Variants in TMEFF2 observed in about 807,000 individuals in gnomAD.
The protein encoded by TMEFF2 is tomoregulin-2.
TMEFF2 carries 28 observed loss-of-function variants against 53.8 expected under a neutral mutation model. The observed-to-expected ratio is 0.52, with a 90% CI of 0.39 to 0.71. TMEFF2 has a LOEUF of 0.71. Among genes scored for constraint, TMEFF2 ranks in the 30% least tolerant of loss-of-function variants. The pLI is 0.00. For synonymous variants in TMEFF2, 162 were observed against 166.3 expected (o/e 0.97, Z 0.20); for missense variants, 353 against 455.2 (o/e 0.78, Z 2.04).
intron 7 of TMEFF2, among the ~76,000 whole-genome samples, chr2:191,997,055 A>G (rs1358367130): frequency 6.6e-6 from 1 of 152,006 alleles, no homozygotes; most frequent in Admixed American, 6.6e-5. Context: ...TTCTGGGTAG[A>G]AGACCCATTT....
At chr2:191,978,249 A>G (rs1156340298) in intron 7 of TMEFF2, among the ~76,000 whole-genome samples, 1 of 152,162 alleles carries the variant, frequency 6.6e-6, no homozygotes, top group Non-Finnish European at 1.5e-5. Context: ...GCAGGCCGGT[A>G]TAATGGAAAG....
intron 2 of TMEFF2, among the ~76,000 whole-genome samples, chr2:192,188,837 A>G (rs199508195): frequency 2.3e-3 from 107 of 46,734 alleles, no homozygotes; most frequent in Non-Finnish European, 3.6e-3. Context: ...CTATCTATCT[A>G]TCTATCTATC....
At chr2:192,177,994 G>A (rs943561376) in intron 4 of TMEFF2, 8 of 150,796 alleles carry the variant, frequency 5.3e-5, no homozygotes, top group Non-Finnish European at 1.0e-4. Context: ...TGGTAGGATA[G>A]TCAAGCAGAA....
At chr2:192,003,948 A>C (rs1285719133) in intron 5 of TMEFF2, among the ~76,000 whole-genome samples, 27 of 147,410 alleles carry the variant, frequency 1.8e-4, no homozygotes, top group Non-Finnish European at 2.2e-4. Context: ...GCTCACACTC[A>C]CCTCCATGGT....
intron 2 of TMEFF2, among the ~76,000 whole-genome samples, chr2:192,185,392 A>G (rs576574861): frequency 6.6e-6 from 1 of 152,182 alleles, no homozygotes; most frequent in Admixed American, 6.6e-5. Flanking sequence ...GTTTAATTAT[A>G]AAAAATATAA....
At chr2:192,022,741 G>T (rs1686885544) in intron 5 of TMEFF2, among the ~76,000 whole-genome samples, 1 of 151,744 alleles carries the variant, frequency 6.6e-6, no homozygotes, top group Admixed American at 6.6e-5. Context: ...TTTGTTTTTT[G>T]GATTTACTTG....
chr2:192,128,363 A>G (rs1003682189), intron 4 of TMEFF2, among the ~76,000 whole-genome samples: 10 of 152,230 alleles, frequency 6.6e-5, no homozygotes, highest in African/African-American at 2.2e-4. Context: ...CAAACAAAAT[A>G]TTGCAATAAG....
chr2:192,189,102 C>T (rs1691395664), intron 2 of TMEFF2, among the ~76,000 whole-genome samples: 1 of 152,076 alleles, frequency 6.6e-6, no homozygotes, highest in Admixed American at 6.5e-5. Context: ...GTTTGAAGGA[C>T]AGAAATCAGT....
At chr2:192,140,664 T>C (rs941880625) in intron 4 of TMEFF2, among the ~76,000 whole-genome samples, 3 of 152,134 alleles carry the variant, frequency 2.0e-5, no homozygotes, top group Admixed American at 2.0e-4. Context: ...CGTATCAACA[T>C]TTCAAGGATT....
At chr2:191,993,208 C>G (rs992771745) in intron 7 of TMEFF2, among the ~76,000 whole-genome samples, 2 of 151,988 alleles carry the variant, frequency 1.3e-5, no homozygotes, top group Non-Finnish European at 2.9e-5. Flanking sequence ...GATACCCTTT[C>G]CAGATGTCAG....
Position 192,135,315 on chromosome 2 carries a change from C to A in TMEFF2, c.439+44353G>T, listed in dbSNP as rs150033293. On this transcript the variant is annotated intron_variant, in intron 4 of 9. Transcript: ENST00000272771. The stretch of plus-strand genomic sequence containing the variant: ...CTTTGCTGGCAGGACTATGCTGAAT[C>A]TCCTTAGGCACTCTCTAATCAGATG... Among the ~76,000 whole-genome samples, 6,754 of 152,228 alleles carry A rather than the reference C, an allele frequency of 0.044. 732 individuals are homozygous for A. In the East Asian group the frequency reaches 0.46, roughly 10 times the overall value.
chr2:192,119,391 T>G (rs1359829308), intron 4 of TMEFF2, among the ~76,000 whole-genome samples: 1 of 152,198 alleles, frequency 6.6e-6, no homozygotes, highest in African/African-American at 2.4e-5. Context: ...TTTGAATATG[T>G]TTTTCCAACC....
At chr2:192,115,962 A>T (rs940488245) in intron 4 of TMEFF2, among the ~76,000 whole-genome samples, 5 of 151,988 alleles carry the variant, frequency 3.3e-5, no homozygotes, top group African/African-American at 1.2e-4. Flanking sequence ...CTACTATATG[A>T]TCCATCAATC....
At chr2:192,174,284 C>A (rs1690984099) in intron 4 of TMEFF2, among the ~76,000 whole-genome samples, 1 of 151,588 alleles carries the variant, frequency 6.6e-6, no homozygotes, top group Non-Finnish European at 1.5e-5. Context: ...TATTACTGCT[C>A]TACTGGAAGA....
At chr2:191,991,170 G>A (rs1280770291) in intron 7 of TMEFF2, among the ~76,000 whole-genome samples, 6 of 151,952 alleles carry the variant, frequency 3.9e-5, no homozygotes, top group East Asian at 1.9e-4. Context: ...TTATAAATAA[G>A]TATTCAATAA....
chr2:192,137,538 C>A (rs753499394), intron 4 of TMEFF2, among the ~76,000 whole-genome samples: 1 of 151,842 alleles, frequency 6.6e-6, no homozygotes, highest in East Asian at 1.9e-4. Context: ...TATTTTAGGT[C>A]GACTTACAGA....
intron 4 of TMEFF2, among the ~76,000 whole-genome samples, chr2:192,079,716 CTAAAAA>C (rs1397765174): frequency 6.6e-6 from 1 of 152,162 alleles, no homozygotes; most frequent in Non-Finnish European, 1.5e-5. Context: ...GATCAGCTTT[CTAAAAA>C]TAAATTCTTG....
intron 4 of TMEFF2, among the ~76,000 whole-genome samples, chr2:192,085,664 A>C (rs963071182): frequency 6.6e-6 from 1 of 152,046 alleles, no homozygotes; most frequent in Non-Finnish European, 1.5e-5. Flanking sequence ...AATGTGATGA[A>C]GAAATCCATA....
chr2:192,078,828 T>C (rs564472087), intron 4 of TMEFF2, among the ~76,000 whole-genome samples: 1 of 152,302 alleles, frequency 6.6e-6, no homozygotes, highest in Non-Finnish European at 1.5e-5. Flanking sequence ...CACATGACAC[T>C]CACTGCTCTG....
Sources: gnomAD v4.1 joint callset for allele counts (sites outside exome capture counted in the v4.1 genomes callset) on GRCh38, gnomAD v4.1.1 for gene constraint, MANE v1.5 for transcripts, NCBI Gene and HGNC (gene_info 2026-07-23, HGNC 2026-07-21) for gene names.